The following ERC2 variants were observed in gnomAD, a reference collection of about 807,000 sequenced individuals.
ERC2 encodes ELKS/RAB6-interacting/CAST family member 2, also known as ERC protein 2.
ERC2 carries 42 observed loss-of-function variants against 114.8 expected under a neutral mutation model. The observed-to-expected ratio is 0.37, with a 90% CI of 0.29 to 0.47. ERC2 has a LOEUF of 0.47. Ranked by LOEUF, ERC2 falls within the 20% of genes least tolerant of loss-of-function variation. ERC2 has a pLI of 0.99. For missense variants in ERC2, 939 were observed against 1,150.7 expected (o/e 0.82, Z 2.66); for synonymous variants, 454 against 425.5 (o/e 1.07, Z -0.82).
At chr3:56,204,308 G>A (rs2048577285) in intron 3 of ERC2, among the ~76,000 whole-genome samples, 1 of 152,130 alleles carries the variant, frequency 6.6e-6, no homozygotes, top group South Asian at 2.1e-4. Flanking sequence ...CCAACATGGT[G>A]CGTGGTACAC....
chr3:55,743,519 G>A (rs2066102637), intron 14 of ERC2, among the ~76,000 whole-genome samples: 2 of 151,006 alleles, frequency 1.3e-5, no homozygotes, highest in Non-Finnish European at 2.9e-5. Flanking sequence ...AATGAAGGAT[G>A]GGAGGGACCA....
At chr3:55,694,596 C>T (rs957537636) in intron 16 of ERC2, among the ~76,000 whole-genome samples, 9 of 152,126 alleles carry the variant, frequency 5.9e-5, no homozygotes, top group East Asian at 1.9e-4. Flanking sequence ...CACCTATGAG[C>T]GAGTATTTGC....
rs1560018765 is a variant in ERC2, at chr3:56,010,605, CA to C, written c.1780-17del. 3 of 1,606,754 alleles carry C rather than the reference CA, an allele frequency of 1.9e-6. No homozygotes were observed. The highest frequency in any genetic ancestry group is 2.2e-5 in the East Asian group (1 of 44,834). On this transcript the variant is annotated splice_polypyrimidine_tract_variant and intron_variant, in intron 8 of 17. Coordinates refer to ENST00000288221, the MANE Select transcript of ERC2 (RefSeq NM_015576.3). The stretch of plus-strand genomic sequence containing the variant: ...TTATTCTCTCCTGTAAGGCAATTAA[CA>C]AAAAAGAAGAGGTGAGAACCCATCA...
chr3:56,355,403 C>T (rs530222904), intron 2 of ERC2, among the ~76,000 whole-genome samples: 42 of 151,702 alleles, frequency 2.8e-4, no homozygotes, highest in Admixed American at 1.1e-3. Flanking sequence ...ACTGCAACCT[C>T]GACCTCCCAG....
At chr3:55,799,450 C>T (rs1302160508) in intron 14 of ERC2, among the ~76,000 whole-genome samples, 2 of 106,194 alleles carry the variant, frequency 1.9e-5, no homozygotes, top group African/African-American at 8.6e-5. Flanking sequence ...TATATATATG[C>T]ATATATATAT....
intron 5 of ERC2, among the ~76,000 whole-genome samples, chr3:56,140,411 C>G (rs929775638): frequency 6.6e-6 from 1 of 152,082 alleles, no homozygotes; most frequent in Non-Finnish European, 1.5e-5. Flanking sequence ...TGTTTTTAAA[C>G]TTTATTTGGG....
chr3:55,967,894 T>C (rs145969042), intron 12 of ERC2, among the ~76,000 whole-genome samples: 14 of 152,292 alleles, frequency 9.2e-5, no homozygotes, highest in South Asian at 2.1e-4. Flanking sequence ...CCTTTCACCA[T>C]GGGCTGAAGC....
At chr3:55,818,146 C>T (rs1047082953) in intron 14 of ERC2, among the ~76,000 whole-genome samples, 1 of 152,142 alleles carries the variant, frequency 6.6e-6, no homozygotes, top group Non-Finnish European at 1.5e-5. Flanking sequence ...CAGAGCTGTC[C>T]TGGAAGGAGA....
chr3:55,962,692 C>T (rs549771037), intron 12 of ERC2, among the ~76,000 whole-genome samples: 1 of 152,356 alleles, frequency 6.6e-6, no homozygotes, highest in East Asian at 1.9e-4. Context: ...TTTGTTTACT[C>T]CTTTTACAGA....
At chr3:56,117,160 G>A (rs2079285576) in intron 6 of ERC2, among the ~76,000 whole-genome samples, 1 of 152,172 alleles carries the variant, frequency 6.6e-6, no homozygotes, top group African/African-American at 2.4e-5. Flanking sequence ...ATACTGCCTA[G>A]GAGGGTAAGA....
chr3:56,033,499 T>C (rs955089721), intron 7 of ERC2, among the ~76,000 whole-genome samples: 3 of 152,206 alleles, frequency 2.0e-5, no homozygotes, highest in Non-Finnish European at 4.4e-5. Flanking sequence ...GCATGTATAG[T>C]GGTGACGAGC....
chr3:55,562,910 C>T (rs990711758), intron 17 of ERC2, among the ~76,000 whole-genome samples: 10 of 152,150 alleles, frequency 6.6e-5, no homozygotes, highest in Admixed American at 3.3e-4. Context: ...TGAACATGCA[C>T]ATTCCAAAGG....
In ERC2 at chr3:55,583,521, C is replaced by CT. The variant is rs1449378918; in HGVS notation, c.*40-72246dup. Among the ~76,000 whole-genome samples, 149 of 61,590 alleles carry CT rather than the reference C, an allele frequency of 2.4e-3. 12 individuals carry two copies. The highest frequency in any genetic ancestry group is 9.9e-3 in the South Asian group (10 of 1,010). The allele number at this position is 61,590 out of a possible 152,430, so 40.4% of individuals were successfully genotyped here. On this transcript the variant is annotated intron_variant, in intron 17 of 17. Coordinates refer to ENST00000288221, the MANE Select transcript of ERC2 (RefSeq NM_015576.3). ...CTTCCCTCCCTCCCTCCCTCCCTCC[C>CT]TCCCTTCCTTCCTTCCTTCCTTTCT...
chr3:55,851,079 T>C lies in ERC2; in HGVS notation c.2564+37310A>G, dbSNP rs559689542. Among the ~76,000 whole-genome samples, 18 of 152,230 alleles carry C rather than the reference T, an allele frequency of 1.2e-4. No homozygotes were observed. In the East Asian group the frequency reaches 3.3e-3, roughly 28 times the overall value. ...AAATCCAGACCCCATCAGATGTTGT[T>C]TGAAATTCAGAGACTGCAGAGACTG... On this transcript the variant is annotated intron_variant, in intron 14 of 17. Coordinates refer to ENST00000288221, the MANE Select transcript of ERC2 (RefSeq NM_015576.3).
At chr3:55,907,390 G>A (rs1479800852) in intron 13 of ERC2, among the ~76,000 whole-genome samples, 1 of 152,184 alleles carries the variant, frequency 6.6e-6, no homozygotes. Context: ...GCTGCACAGG[G>A]CTCTTGTGAG....
intron 1 of ERC2, among the ~76,000 whole-genome samples, chr3:56,451,229 C>T (rs937514879): frequency 3.9e-5 from 6 of 152,130 alleles, no homozygotes; most frequent in South Asian, 2.1e-4. Context: ...AACTCTGCCC[C>T]CTTGGCCCTA....
chr3:56,467,691 C>T (rs184330457), intron 1 of ERC2, among the ~76,000 whole-genome samples: 1 of 152,108 alleles, frequency 6.6e-6, no homozygotes, highest in East Asian at 1.9e-4. Flanking sequence ...CCTAGCCCTC[C>T]CCGATAAATC....
chr3:55,665,814 C>T (rs1022509791), intron 17 of ERC2, among the ~76,000 whole-genome samples: 1 of 152,156 alleles, frequency 6.6e-6, no homozygotes. Flanking sequence ...GGCAAGGGTT[C>T]ACTGCATCAT....
chr3:56,221,057 T>C (rs1359392668), intron 3 of ERC2, among the ~76,000 whole-genome samples: 2 of 152,238 alleles, frequency 1.3e-5, no homozygotes, highest in Non-Finnish European at 1.5e-5. Flanking sequence ...AATACTATGA[T>C]AGATGAAGCA....
Sources: gnomAD v4.1 joint callset for allele counts (sites outside exome capture counted in the v4.1 genomes callset) on GRCh38, gnomAD v4.1.1 for gene constraint, MANE v1.5 for transcripts, NCBI Gene and HGNC (gene_info 2026-07-23, HGNC 2026-07-21) for gene names.